Variants in LRBA observed in about 807,000 individuals in gnomAD.
LRBA encodes lipopolysaccharide-responsive and beige-like anchor protein.
LRBA carries 176 observed loss-of-function variants against 330.0 expected under a neutral mutation model. The ratio of observed to expected loss-of-function variants is 0.53; its 90% CI spans 0.47 to 0.60. The LOEUF (loss-of-function observed/expected upper bound fraction) is 0.60. LRBA is among the 20% of genes least tolerant of loss of function. The pLI is 0.00. For missense variants in LRBA, 3,259 were observed against 3,444.8 expected, an observed-to-expected ratio of 0.95 and a Z score of 1.35; for synonymous variants, 1,230 against 1,193.0, an observed-to-expected ratio of 1.03 and a Z score of -0.64.
chr4:150,998,708 C>A (rs1742987014), intron 2 of LRBA, among the ~76,000 whole-genome samples: 1 of 152,088 alleles, frequency 6.6e-6, no homozygotes, highest in Non-Finnish European at 1.5e-5. Flanking sequence ...CACATAAAAT[C>A]CCCCATGAAT....
At chr4:150,635,947 T>C (rs1028897570) in intron 37 of LRBA, among the ~76,000 whole-genome samples, 3 of 152,202 alleles carry the variant, frequency 2.0e-5, no homozygotes, top group African/African-American at 7.2e-5. Flanking sequence ...AGGTCAATTA[T>C]TTTGTAGAAT....
intron 35 of LRBA, among the ~76,000 whole-genome samples, chr4:150,745,814 G>A (rs1422130572): frequency 2.5e-4 from 38 of 151,910 alleles, no homozygotes; most frequent in Non-Finnish European, 4.4e-5. Context: ...GCGCCCAGCC[G>A]AGAAAAAATC....
Position 150,285,981 on chromosome 4 carries a change from A to G in LRBA, c.8071T>C (p.Cys2691Arg). Reference protein sequence around the residue: ...ILTGHDYEVTCAAVCAELGLV... With the variant: ...ILTGHDYEVTRAAVCAELGLV... ...CCTAGCTCCGCACACACCGCAGCAC[A>G]TGTGACCTCATAGTCATGGCCGGTC... is the stretch of plus-strand genomic sequence containing the variant. Residue 2691 changes from cysteine (C) to arginine (R), a missense_variant, in exon 54 of 57, where the codon TGT (cysteine) becomes CGT (arginine). Transcript: ENST00000651943. The G allele has an allele frequency of 1.3e-6, 2 of 1,598,742 alleles. No homozygotes were observed. Among genetic ancestry groups the G allele is most frequent in the African/African-American group, 1.3e-5 (1 of 74,798 alleles).
At chr4:150,479,710 C>G (rs886735774) in intron 42 of LRBA, among the ~76,000 whole-genome samples, 2 of 152,128 alleles carry the variant, frequency 1.3e-5, no homozygotes, top group Non-Finnish European at 2.9e-5. Flanking sequence ...GTATAACTAT[C>G]AAGAGAAAGT....
chr4:150,630,565 A>T (rs1427168316), intron 37 of LRBA, among the ~76,000 whole-genome samples: 1 of 151,148 alleles, frequency 6.6e-6, no homozygotes, highest in Non-Finnish European at 1.5e-5. Context: ...TGTCTACTTA[A>T]ACAGGTTTAC....
intron 28 of LRBA, among the ~76,000 whole-genome samples, 159 bp downstream of exon 28, chr4:150,843,941 T>C (rs1021593416): frequency 1.3e-5 from 2 of 152,206 alleles, no homozygotes; most frequent in Non-Finnish European, 2.9e-5. Flanking sequence ...TTTTCTAATA[T>C]TCTGTTTCTA....
At chr4:150,462,074 G>C (rs930513020) in intron 44 of LRBA, among the ~76,000 whole-genome samples, 8 of 151,694 alleles carry the variant, frequency 5.3e-5, no homozygotes, top group Non-Finnish European at 1.2e-4. Flanking sequence ...TTCTTATAAA[G>C]AAATGTCAAA....
At chr4:150,490,853 T>G in intron 41 of LRBA, 65 bp downstream of exon 41, 1 of 911,070 alleles carries the variant, frequency 1.1e-6, no homozygotes, top group East Asian at 2.6e-5. Context: ...TATGGTATGT[T>G]CAAAAATGAA....
At chr4:150,410,757 T>C (rs1046635221) in intron 47 of LRBA, among the ~76,000 whole-genome samples, 2 of 152,342 alleles carry the variant, frequency 1.3e-5, no homozygotes, top group South Asian at 2.1e-4. Flanking sequence ...TGAACTATTA[T>C]AATTTGAATC....
intron 2 of LRBA, among the ~76,000 whole-genome samples, chr4:150,990,423 G>T (rs1741942475): frequency 2.0e-5 from 3 of 152,062 alleles, no homozygotes; most frequent in Admixed American, 1.3e-4. Context: ...CAGTGTTAAG[G>T]CAAGCATCTA....
chr4:150,848,664 C>A (rs1750194105), intron 26 of LRBA, among the ~76,000 whole-genome samples, 154 bp downstream of exon 26: 1 of 151,712 alleles, frequency 6.6e-6, no homozygotes, highest in South Asian at 2.1e-4. Flanking sequence ...ATCCAACTTA[C>A]CAACTACTAC....
At chr4:150,562,139 C>A (rs968631964) in intron 40 of LRBA, among the ~76,000 whole-genome samples, 26 of 152,112 alleles carry the variant, frequency 1.7e-4, no homozygotes, top group African/African-American at 6.0e-4. Flanking sequence ...AGCTTCTTGG[C>A]TCTAGCAGAA....
At chr4:150,798,730 A>C (rs1460250382) in intron 33 of LRBA, among the ~76,000 whole-genome samples, 1 of 152,212 alleles carries the variant, frequency 6.6e-6, no homozygotes, top group East Asian at 1.9e-4. Context: ...TTCACCAAAA[A>C]TATCTTTAGA....
At chr4:150,572,384 T>C (rs969371251) in intron 40 of LRBA, among the ~76,000 whole-genome samples, 1 of 152,150 alleles carries the variant, frequency 6.6e-6, no homozygotes, top group African/African-American at 2.4e-5. Flanking sequence ...AATTTCTAAC[T>C]ACTGAACTTT....
chr4:150,592,466 A>G (rs1773008173), intron 38 of LRBA, among the ~76,000 whole-genome samples: 1 of 152,042 alleles, frequency 6.6e-6, no homozygotes, highest in Non-Finnish European at 1.5e-5. Context: ...TTTCTATTTA[A>G]TAAGAAGTCA....
intron 35 of LRBA, among the ~76,000 whole-genome samples, chr4:150,759,439 C>T (rs924343235): frequency 6.6e-5 from 10 of 152,210 alleles, no homozygotes; most frequent in African/African-American, 2.2e-4. Flanking sequence ...CACTTGTACA[C>T]TGGCTGTTCC....
intron 46 of LRBA, among the ~76,000 whole-genome samples, chr4:150,420,391 A>ATATAAAGTATATATAATACACATTATAG (rs1748535266): frequency 7.7e-5 from 3 of 38,850 alleles, no homozygotes; most frequent in Non-Finnish European, 1.4e-4. Flanking sequence ...ATTATAGTAT[A>ATATAAAGTATATATAATACACATTATAG]TATAAAGTAT....
At chr4:150,582,876 C>A in intron 40 of LRBA, 2 of 810,574 alleles carry the variant, frequency 2.5e-6, no homozygotes, top group Non-Finnish European at 3.7e-6. Context: ...CGGTATCAGC[C>A]GGTCAGCCCA....
At chr4:150,859,050 C>T (rs1751575245) in intron 22 of LRBA, among the ~76,000 whole-genome samples, 1 of 152,010 alleles carries the variant, frequency 6.6e-6, no homozygotes, top group South Asian at 2.1e-4. Context: ...ATGTATACTT[C>T]AGATATTTCA....
Sources: gnomAD v4.1 joint callset for allele counts (sites outside exome capture counted in the v4.1 genomes callset) on GRCh38, gnomAD v4.1.1 for gene constraint, MANE v1.5 for transcripts, NCBI Gene and HGNC (gene_info 2026-07-23, HGNC 2026-07-21) for gene names.